TBX1: variants seen among roughly 807,000 people sequenced by gnomAD.
The protein encoded by TBX1 is T-box transcription factor 1.
In TBX1, 16 loss-of-function variants were observed where a neutral mutation model predicts 40.8. That is an observed-to-expected ratio of 0.39 (90% CI 0.27 to 0.60). The LOEUF is 0.60. Ranked by LOEUF, TBX1 falls within the 20% of genes least tolerant of loss-of-function variation. TBX1 has a pLI of 0.51. For missense variants in TBX1, 755 were observed against 728.5 expected, an observed-to-expected ratio of 1.04 and a Z score of -0.42; for synonymous variants, 403 against 336.8, an observed-to-expected ratio of 1.20 and a Z score of -2.15.
Position 19,760,972 on chromosome 22 carries a change from C to T in TBX1, c.129C>T (p.Gly43=). 1 of 977,658 alleles carries T rather than the reference C, an allele frequency of 1.0e-6. No individual in the cohort carries two copies. Among genetic ancestry groups the T allele is most frequent in the Non-Finnish European group, 1.2e-6 (1 of 824,510 alleles). The allele number at this position is 977,658 out of a possible 1,614,324, so 60.6% of individuals were successfully genotyped here. ...GCTTCCCGGGCGCCGCGTCGCCCGG[C>T]GCCGACCCGTACGGCCCGCGCGAGC... The part of the protein sequence containing the change: ...AGGFPGAASP[G]ADPYGPREPP... Residue 43 remains glycine, a synonymous_variant, in exon 1 of 7, where the codon GGC becomes GGT. Coordinates refer to ENST00000649276, the MANE Select transcript of TBX1 (RefSeq NM_001379200.1).
At chr22:19,764,772 G>A (rs561932250) in intron 3 of TBX1, among the ~76,000 whole-genome samples, 186 bp from the exon 4 acceptor site, 30 of 152,308 alleles carry the variant, frequency 2.0e-4, no homozygotes, top group African/African-American at 7.2e-4. Context: ...CTCATTCCTG[G>A]CAGTTGCCAA....
chr22:19,779,156 A>G, intron 8 of TBX1: 3 of 1,585,750 alleles, frequency 1.9e-6, no homozygotes, highest in Non-Finnish European at 2.6e-6. Flanking sequence ...CTGATCTGCA[A>G]GAAAAGAGAG....
rs1434240699 is a variant in TBX1, at chr22:19,764,194, G to A, written c.579G>A (p.Lys193=). The A allele has an allele frequency of 2.5e-6, 4 of 1,612,648 alleles. No homozygotes were observed. The highest frequency in any genetic ancestry group is 3.4e-6 in the Non-Finnish European group (4 of 1,179,902). Reference sequence around the variant, plus strand: ...GCTCCTCCTGGCTGGTGGCGGGGAAGGCCGACCCTGCCACGCCAGGCCGCG... The same window carrying A: ...GCTCCTCCTGGCTGGTGGCGGGGAAAGCCGACCCTGCCACGCCAGGCCGCG... ...FHSSSWLVAG[K]ADPATPGRVH... Residue 193 remains lysine (K), a synonymous_variant, in exon 3 of 7, where the codon AAG becomes AAA. Transcript: ENST00000649276.
At chr22:19,761,600 G>GGCCCGGCTTGGGGCGC (rs1474891203) in intron 1 of TBX1, among the ~76,000 whole-genome samples, 1 of 152,004 alleles carries the variant, frequency 6.6e-6, no homozygotes, top group African/African-American at 2.4e-5. Context: ...CCCAGAAACC[G>GGCCCGGCTTGGGGCGC]GCCCGGCTTG....
At chr22:19,757,456 T>G (rs1013950821), upstream of TBX1, among the ~76,000 whole-genome samples, 1 of 152,152 alleles carries the variant, frequency 6.6e-6, no homozygotes, top group Non-Finnish European at 1.5e-5. Flanking sequence ...TCCTCAATGT[T>G]GGCCTCACCC....
At chr22:19,769,723 A>G (rs41299932), downstream of TBX1, among the ~76,000 whole-genome samples, 102 of 152,140 alleles carry the variant, frequency 6.7e-4, 2 homozygotes, top group East Asian at 0.019. Flanking sequence ...CTGAACGTTC[A>G]CCCCCAAGGT....
downstream of TBX1, among the ~76,000 whole-genome samples, chr22:19,770,925 G>T (rs1481222659): frequency 6.6e-6 from 1 of 152,192 alleles, no homozygotes; most frequent in East Asian, 1.9e-4. Flanking sequence ...AGAGCATGTG[G>T]CCCGTGTTCC....
chr22:19,783,058 C>G (rs371329223), downstream of TBX1: 21 of 814,752 alleles, frequency 2.6e-5, no homozygotes, highest in African/African-American at 2.3e-4. Context: ...TGTGCCCAGC[C>G]CCTGAATGAA....
chr22:19,761,293 C>G lies in TBX1; in HGVS notation c.437+13C>G. 6.5e-7 allele frequency: 1 copy of G among 1,538,988 alleles called. No individual in the cohort carries two copies. The highest frequency in any genetic ancestry group is 1.2e-5 in the South Asian group (1 of 86,226). On this transcript the variant is annotated intron_variant, in intron 1 of 6. Coordinates refer to ENST00000649276, the MANE Select transcript of TBX1 (RefSeq NM_001379200.1). ...CCAAGGCCGGCAGGTCAGGGCGCCC[C>G]TCCCCACGCCGCGACCCTCCCCACG...
At chr22:19,758,506 C>T (rs900564943), upstream of TBX1, among the ~76,000 whole-genome samples, 31 of 152,162 alleles carry the variant, frequency 2.0e-4, no homozygotes, top group African/African-American at 7.0e-4. Flanking sequence ...CCAGGCAGAG[C>T]GGCGGGCCTC....
chr22:19,763,680 T>G (rs1936740429), intron 2 of TBX1: 2 of 414,624 alleles, frequency 4.8e-6, no homozygotes, highest in Non-Finnish European at 8.9e-6. Context: ...CTAGTCCCCT[T>G]CCCCCATCCC....
At position 19,767,023 on chromosome 22, in the gene TBX1, C is replaced by A; in HGVS notation, c.*156C>A. ...CCCAGCCTCGAAGCCATGGGGGCCCCCTCGCCACCCCCAGCCCCTTGGGCT... is the reference window on the plus strand; with the variant it reads ...CCCAGCCTCGAAGCCATGGGGGCCCACTCGCCACCCCCAGCCCCTTGGGCT... On this transcript the variant is annotated 3_prime_UTR_variant, in exon 7 of 7. Coordinates refer to ENST00000649276, the MANE Select transcript of TBX1 (RefSeq NM_001379200.1). 7.4e-7 allele frequency: 1 copy of A among 1,354,524 alleles called. No homozygotes were observed. The highest frequency in any genetic ancestry group is 9.5e-7 in the Non-Finnish European group (1 of 1,056,332). The allele number at this position is 1,354,524 out of a possible 1,614,324, so 83.9% of individuals were successfully genotyped here.
At chr22:19,780,612 G>T (rs769222445), downstream of TBX1, among the ~76,000 whole-genome samples, 1 of 152,084 alleles carries the variant, frequency 6.6e-6, no homozygotes, top group Non-Finnish European at 1.5e-5. Context: ...CCTGCTTTCA[G>T]TTCTCTTGGG....
intron 8 of TBX1, among the ~76,000 whole-genome samples, chr22:19,773,433 G>A (rs1679833175): frequency 2.0e-5 from 3 of 152,294 alleles, no homozygotes; most frequent in Admixed American, 1.3e-4. Context: ...AGTTATGAGA[G>A]AGACTTGCAA....
At position 19,767,210 on chromosome 22, in the gene TBX1, C is replaced by T. The variant is rs1021805836; in HGVS notation, c.*343C>T. 1 of 1,099,282 alleles carries T rather than the reference C, an allele frequency of 9.1e-7. No individual in the cohort carries two copies. The highest frequency in any genetic ancestry group is 1.1e-6 in the Non-Finnish European group (1 of 904,032). 68.1% of individuals were successfully genotyped at this position (1,099,282 alleles called of 1,614,324 possible). A position where few individuals can be genotyped will look rare whatever the true frequency, so the allele number is the denominator to read the frequency against. The stretch of plus-strand genomic sequence containing the variant: ...GAGACCGCGTCGCCCGCGGCCCGGC[C>T]GGCAGTTGCAGTGTAGACAGCCCGA... On this transcript the variant is annotated 3_prime_UTR_variant, in exon 7 of 7. Coordinates refer to ENST00000649276, the MANE Select transcript of TBX1 (RefSeq NM_001379200.1).
intron 2 of TBX1, chr22:19,763,800 C>T (rs1248701468): frequency 1.6e-5 from 7 of 450,002 alleles, no homozygotes; most frequent in Middle Eastern, 1.2e-3. Context: ...ATAAAGAGAA[C>T]GCGCACTGCC....
rs548513284 is a variant in TBX1 at position 19,764,927 on chromosome 22, G to A, written c.712-31G>A. 6.2e-6 allele frequency: 10 copies of A among 1,613,508 alleles called. No homozygotes were observed. The Admixed American group carries it at 8.3e-5, about 13-fold the overall frequency. The stretch of plus-strand genomic sequence containing the variant: ...CCCAGATCCTCAGCCCAGCCCCACC[G>A]CTGGAGCTGATTCCCCACCTTGTCT... On this transcript the variant is annotated intron_variant, in intron 3 of 6. Coordinates refer to ENST00000649276, the MANE Select transcript of TBX1 (RefSeq NM_001379200.1).
chr22:19,782,278 A>G (rs190073565), downstream of TBX1, among the ~76,000 whole-genome samples: 10 of 152,342 alleles, frequency 6.6e-5, no homozygotes, highest in African/African-American at 2.2e-4. Flanking sequence ...AAGTTTTCCA[A>G]TCCATGAACA....
chr22:19,770,694 A>G (rs910014768), downstream of TBX1, among the ~76,000 whole-genome samples: 9 of 152,162 alleles, frequency 5.9e-5, no homozygotes, highest in African/African-American at 1.7e-4. Context: ...GATCCATGCG[A>G]TGACAGTTGT....
Sources: gnomAD v4.1 joint callset for allele counts (sites outside exome capture counted in the v4.1 genomes callset) on GRCh38, gnomAD v4.1.1 for gene constraint, MANE v1.5 for transcripts, NCBI Gene and HGNC (gene_info 2026-07-23, HGNC 2026-07-21) for gene names.